Variants in LRP2BP observed in about 807,000 individuals in gnomAD.
LRP2BP encodes the protein LRP2-binding protein.
Under a neutral mutation model 45.2 loss-of-function variants are expected in LRP2BP, and 38 were observed. The ratio of observed to expected loss-of-function variants is 0.84; its 90% CI spans 0.65 to 1.10. The LOEUF (loss-of-function observed/expected upper bound fraction) is 1.10, where lower values mean the gene tolerates loss of function less well. LRP2BP is among the 50% of genes least tolerant of loss of function. The pLI, the probability that LRP2BP is intolerant of heterozygous loss-of-function variation, is 0.00. For missense variants in LRP2BP, 385 were observed against 418.9 expected (o/e 0.92, Z 0.71); for synonymous variants, 153 against 153.9 (o/e 0.99, Z 0.04).
At chr4:185,392,157 T>C (rs1452037235) in intron 1 of LRP2BP, among the ~76,000 whole-genome samples, 1 of 152,356 alleles carries the variant, frequency 6.6e-6, no homozygotes, top group East Asian at 1.9e-4. Flanking sequence ...TCATCTGTAA[T>C]TTCCACATTT....
At chr4:185,384,911 C>T (rs1006757105) in intron 1 of LRP2BP, among the ~76,000 whole-genome samples, 10 of 149,086 alleles carry the variant, frequency 6.7e-5, no homozygotes, top group East Asian at 2.0e-4. Flanking sequence ...CCCCGTCCCC[C>T]GCCGCCCCTT....
chr4:185,396,802 C>T (rs2095504545), upstream of LRP2BP: 10 of 1,104,636 alleles, frequency 9.1e-6, no homozygotes, highest in Non-Finnish European at 1.4e-5. Flanking sequence ...GCCCGGAAGT[C>T]CCAGCGGTCT....
intron 1 of LRP2BP, among the ~76,000 whole-genome samples, chr4:185,393,547 C>G (rs1366684002): frequency 6.8e-6 from 1 of 147,644 alleles, no homozygotes; most frequent in African/African-American, 2.5e-5. Context: ...TTTTTTGAGA[C>G]GGAATCTTGC....
Position 185,374,357 on chromosome 4 carries a change from T to G in LRP2BP, c.435A>C (p.Glu145Asp), listed in dbSNP as rs2095426055. The G allele has an allele frequency of 3.1e-6, 5 of 1,614,066 alleles. No homozygotes were observed. Among genetic ancestry groups the G allele is most frequent in the Non-Finnish European group, 4.2e-6 (5 of 1,180,032 alleles). Reference protein sequence around the residue: ...AAYNLGRAYYEGKGVKRSNEE... With the variant: ...AAYNLGRAYYDGKGVKRSNEE... ...CATTTGATCGTTTAACACCTTTTCC[T>G]TCATAATAAGCTCTTCCGAGGTTGT... The change falls in exon 5 of 9, where the codon GAA becomes GAC. Residue 145 changes from glutamate to aspartate, a missense_variant. Physicochemically the swap from Glu to Asp is conservative, Grantham distance 45. Coordinates refer to ENST00000505916, the MANE Select transcript of LRP2BP (RefSeq NM_001377440.1).
intron 1 of LRP2BP, chr4:185,390,690 C>CA (rs1352189611): frequency 1.3e-5 from 2 of 152,168 alleles, no homozygotes; most frequent in African/African-American, 4.8e-5. Context: ...GTGCAATGGG[C>CA]AGTCGGCACG....
At chr4:185,386,415 C>CTATGACCTA in intron 1 of LRP2BP, among the ~76,000 whole-genome samples, 1 of 152,332 alleles carries the variant, frequency 6.6e-6, no homozygotes, top group Non-Finnish European at 1.5e-5. Context: ...AGATAAGTGT[C>CTATGACCTA]TATGACCTAT....
intron 1 of LRP2BP, among the ~76,000 whole-genome samples, chr4:185,386,781 T>C (rs2095472964): frequency 6.6e-6 from 1 of 152,162 alleles, no homozygotes; most frequent in Non-Finnish European, 1.5e-5. Flanking sequence ...GCTTTGGACT[T>C]ACTGAAAGGA....
chr4:185,368,505 G>A (rs1400900842), intron 8 of LRP2BP, among the ~76,000 whole-genome samples: 1 of 152,118 alleles, frequency 6.6e-6, no homozygotes, highest in Non-Finnish European at 1.5e-5. Flanking sequence ...GGACACTGCC[G>A]GTCCAGTGAA....
chr4:185,378,165 A>C lies in LRP2BP; in HGVS notation c.22T>G (p.Leu8Val). Reference sequence around the variant, plus strand: ...GAGGCATAAAAGGGGTTCTTGGGCAACTTTTCACTGGTCAACTTCATCCTT... The same window carrying C: ...GAGGCATAAAAGGGGTTCTTGGGCACCTTTTCACTGGTCAACTTCATCCTT... MKLTSEK[L>V]PKNPFYASVS... The change falls in exon 2 of 9, where the codon TTG becomes GTG. Residue 8 changes from leucine (L) to valine (V), a missense_variant. Physicochemically the swap from Leu to Val is conservative, Grantham distance 32. Transcript: ENST00000505916. The C allele has an allele frequency of 6.2e-7, 1 of 1,614,108 alleles. No individual in the cohort carries two copies. The highest frequency in any genetic ancestry group is 1.1e-5 in the South Asian group (1 of 91,054).
upstream of LRP2BP, chr4:185,397,028 G>A (rs1039163079): frequency 1.2e-5 from 20 of 1,609,636 alleles, no homozygotes; most frequent in African/African-American, 2.3e-4. Flanking sequence ...GTTAATGCGG[G>A]GACGGACCAC....
chr4:185,386,030 CAGAG>C (rs539600854), intron 1 of LRP2BP, among the ~76,000 whole-genome samples: 15 of 152,136 alleles, frequency 9.9e-5, no homozygotes, highest in South Asian at 2.1e-4. Context: ...TAGAGCAAGA[CAGAG>C]AGAAGTTACA....
At chr4:185,371,300 G>A (rs1015192938) in intron 7 of LRP2BP, among the ~76,000 whole-genome samples, 7 of 152,098 alleles carry the variant, frequency 4.6e-5, no homozygotes, top group Non-Finnish European at 1.0e-4. Flanking sequence ...AGCACTTTGG[G>A]AGGCCAAGGC....
intron 1 of LRP2BP, among the ~76,000 whole-genome samples, chr4:185,391,741 G>T (rs1379420663): frequency 6.6e-6 from 1 of 152,032 alleles, no homozygotes; most frequent in Non-Finnish European, 1.5e-5. Flanking sequence ...CCCTGCCCCA[G>T]CCCCAGAATC....
Position 185,367,002 on chromosome 4 carries a change from A to G in LRP2BP, c.*178T>C, listed in dbSNP as rs1238644755. 3.5e-6 allele frequency: 2 copies of G among 570,570 alleles called. No individual in the cohort carries two copies. Among genetic ancestry groups the G allele is most frequent in the East Asian group, 5.8e-5 (2 of 34,342 alleles). 35.3% of individuals were successfully genotyped at this position (570,570 alleles called of 1,614,324 possible). ...CTTCCAGCAATTTGACCTTGTGTCT[A>G]GGTTTCAAGTTGCAAAACTTAACAG... On this transcript the variant is annotated 3_prime_UTR_variant, in exon 9 of 9. Transcript: ENST00000505916.
At chr4:185,381,335 T>C (rs1477278187) in intron 1 of LRP2BP, among the ~76,000 whole-genome samples, 1 of 152,196 alleles carries the variant, frequency 6.6e-6, no homozygotes, top group Non-Finnish European at 1.5e-5. Flanking sequence ...TGATGGACTT[T>C]GGGTAGCTTC....
intron 8 of LRP2BP, among the ~76,000 whole-genome samples, chr4:185,369,506 A>C (rs2095407543): frequency 6.6e-6 from 1 of 152,142 alleles, no homozygotes; most frequent in Non-Finnish European, 1.5e-5. Context: ...AGCCTCCCGA[A>C]GTGCTGGGAT....
At chr4:185,375,803 G>T in intron 3 of LRP2BP, 77 bp from the exon 4 acceptor site, 2 of 835,998 alleles carry the variant, frequency 2.4e-6, no homozygotes, top group Non-Finnish European at 3.7e-6. Flanking sequence ...GTGGTCAAGT[G>T]TTTGTGCCCA....
upstream of LRP2BP, chr4:185,396,797 G>T: frequency 1.9e-6 from 2 of 1,047,636 alleles, no homozygotes; most frequent in South Asian, 1.3e-5. Context: ...GGCCGGCCCG[G>T]AAGTCCCAGC....
chr4:185,370,575 C>A, intron 8 of LRP2BP, 65 bp downstream of exon 8: 2 of 1,529,866 alleles, frequency 1.3e-6, no homozygotes, highest in South Asian at 1.2e-5. Flanking sequence ...TAAAACTATT[C>A]AAGTTGCAGC....
Sources: gnomAD v4.1 joint callset for allele counts (sites outside exome capture counted in the v4.1 genomes callset) on GRCh38, gnomAD v4.1.1 for gene constraint, MANE v1.5 for transcripts, NCBI Gene and HGNC (gene_info 2026-07-23, HGNC 2026-07-21) for gene names.